The following ATL2 variants were observed in gnomAD, a reference collection of about 807,000 sequenced individuals.
ATL2 encodes atlastin GTPase 2.
Under a neutral mutation model 73.9 loss-of-function variants are expected in ATL2, and 31 were observed. The ratio of observed to expected loss-of-function variants is 0.42; its 90% CI spans 0.32 to 0.57. ATL2 has a LOEUF of 0.57. Ranked by LOEUF, ATL2 falls within the 20% of genes least tolerant of loss-of-function variation. The pLI is 0.14. For synonymous variants in ATL2, 291 were observed against 237.5 expected (o/e 1.23, Z -2.07); for missense variants, 738 against 702.6 (o/e 1.05, Z -0.57).
At chr2:38,358,805 G>C (rs764833607) in intron 1 of ATL2, 3 of 152,692 alleles carry the variant, frequency 2.0e-5, no homozygotes, top group African/African-American at 7.2e-5. Context: ...TCACCTGGGT[G>C]AGCTTTTATA....
At chr2:38,342,274 C>T (rs937323521) in intron 2 of ATL2, among the ~76,000 whole-genome samples, 1 of 152,032 alleles carries the variant, frequency 6.6e-6, no homozygotes, top group Non-Finnish European at 1.5e-5. Flanking sequence ...GTGCCAGGTG[C>T]TTGATAATCA....
At chr2:38,316,704 CA>C (rs1668042742) in intron 4 of ATL2, among the ~76,000 whole-genome samples, 1 of 152,106 alleles carries the variant, frequency 6.6e-6, no homozygotes, top group African/African-American at 2.4e-5. Flanking sequence ...CCAAGATAGG[CA>C]AGATGAGTAA....
At chr2:38,334,460 G>C (rs1028483086) in intron 2 of ATL2, among the ~76,000 whole-genome samples, 3 of 151,860 alleles carry the variant, frequency 2.0e-5, no homozygotes, top group African/African-American at 7.3e-5. Flanking sequence ...CCAGCACTTT[G>C]GGAGGCTGAG....
At chr2:38,316,011 T>C (rs1259134989) in intron 4 of ATL2, among the ~76,000 whole-genome samples, 1 of 152,214 alleles carries the variant, frequency 6.6e-6, no homozygotes, top group Non-Finnish European at 1.5e-5. Context: ...GGGATTTTCA[T>C]CCATTAATTC....
intron 1 of ATL2, among the ~76,000 whole-genome samples, chr2:38,348,625 T>C (rs1483364835): frequency 6.6e-6 from 1 of 151,366 alleles, no homozygotes; most frequent in Admixed American, 6.6e-5. Context: ...GTTGGTTTTT[T>C]AGAAGTTTAA....
chr2:38,301,725 T>A (rs1293149666), intron 9 of ATL2, among the ~76,000 whole-genome samples: 1 of 152,176 alleles, frequency 6.6e-6, no homozygotes, highest in Non-Finnish European at 1.5e-5. Flanking sequence ...TGCTCTGAGG[T>A]CCTGAATAAA....
At chr2:38,313,052 C>G (rs551926038) in intron 7 of ATL2, 99 bp downstream of exon 7, 2 of 751,956 alleles carry the variant, frequency 2.7e-6, no homozygotes, top group Non-Finnish European at 2.2e-6. Context: ...TTTATTCCAA[C>G]GACACGTAAA....
intron 2 of ATL2, among the ~76,000 whole-genome samples, chr2:38,328,978 T>C (rs536348404): frequency 6.1e-4 from 93 of 151,648 alleles, no homozygotes; most frequent in African/African-American, 2.1e-3. Flanking sequence ...CAAAGAAGAA[T>C]CTTCATTACT....
At chr2:38,354,765 C>T (rs1273175065) in intron 1 of ATL2, among the ~76,000 whole-genome samples, 2 of 152,094 alleles carry the variant, frequency 1.3e-5, no homozygotes, top group Non-Finnish European at 2.9e-5. Flanking sequence ...TGGCACATCC[C>T]TGTAATCCCA....
chr2:38,370,448 CAAAAAAA>C (rs55964015), intron 1 of ATL2, among the ~76,000 whole-genome samples: 2,896 of 54,924 alleles, frequency 0.053, 41 homozygotes, highest in South Asian at 0.079. Flanking sequence ...GACTCTGTCC[CAAAAAAA>C]AAAAAAAAAA....
chr2:38,310,089 A>C (rs1371320335), intron 8 of ATL2, among the ~76,000 whole-genome samples: 1 of 152,250 alleles, frequency 6.6e-6, no homozygotes, highest in Non-Finnish European at 1.5e-5. Flanking sequence ...ACTGCTGAGC[A>C]ACAGACATTA....
At chr2:38,369,182 C>T (rs771209431) in intron 1 of ATL2, among the ~76,000 whole-genome samples, 6 of 151,816 alleles carry the variant, frequency 4.0e-5, no homozygotes, top group Non-Finnish European at 7.4e-5. Context: ...AGGTGCAGTG[C>T]CTCACACCTG....
intron 2 of ATL2, 104 bp from the exon 3 acceptor site, chr2:38,319,123 A>G (rs1264116657): frequency 5.7e-6 from 7 of 1,226,598 alleles, no homozygotes; most frequent in Non-Finnish European, 8.0e-6. Flanking sequence ...CTAAACCCGG[A>G]AAGACAAAAA....
Position 38,365,043 on chromosome 2 carries a change from CAAA to C in ATL2, c.118+12097_118+12099del, listed in dbSNP as rs562213942. On this transcript the variant is annotated intron_variant, in intron 1 of 12. Coordinates refer to ENST00000378954, the MANE Select transcript of ATL2 (RefSeq NM_001135673.4). ...TGGGGTACAGAGCGAGACTCCGTCT[CAAA>C]AAAAAAAAAAAATTACTTTAAGAGT... is the stretch of plus-strand genomic sequence containing the variant. Among the ~76,000 whole-genome samples the C allele has an allele frequency of 8.4e-4, 95 of 112,918 alleles. 1 individual carries two copies. Among genetic ancestry groups the C allele is most frequent in the African/African-American group, 2.7e-3 (94 of 34,918 alleles). 74.1% of individuals were successfully genotyped at this position (112,918 alleles called of 152,430 possible).
chr2:38,364,678 A>C (rs1229925592), intron 1 of ATL2, among the ~76,000 whole-genome samples: 5 of 152,244 alleles, frequency 3.3e-5, no homozygotes, highest in Non-Finnish European at 5.9e-5. Context: ...ACACGGATCA[A>C]GAATTAATCG....
intron 10 of ATL2, among the ~76,000 whole-genome samples, chr2:38,299,718 A>G (rs2148402138): frequency 6.6e-6 from 1 of 152,334 alleles, no homozygotes; most frequent in East Asian, 1.9e-4. Context: ...CACAAACCTT[A>G]CTGCACGAAG....
chr2:38,328,441 T>C (rs1309580755), intron 2 of ATL2, among the ~76,000 whole-genome samples: 1 of 152,142 alleles, frequency 6.6e-6, no homozygotes, highest in African/African-American at 2.4e-5. Flanking sequence ...AATACACCTT[T>C]AAAAATTTTA....
chr2:38,370,902 G>C (rs569808187), intron 1 of ATL2, among the ~76,000 whole-genome samples: 1 of 151,776 alleles, frequency 6.6e-6, no homozygotes, highest in Admixed American at 6.6e-5. Context: ...AGGTTGCAGC[G>C]AGCTATGATT....
chr2:38,319,159 T>A, intron 2 of ATL2, 140 bp from the exon 3 acceptor site: 2 of 900,740 alleles, frequency 2.2e-6, no homozygotes, highest in Non-Finnish European at 3.4e-6. Flanking sequence ...AACAAGTAGT[T>A]ACAAAGCAGT....
Sources: allele counts gnomAD v4.1 joint callset (sites outside exome capture counted in the v4.1 genomes callset), GRCh38; gene constraint gnomAD v4.1.1; transcripts MANE v1.5; gene names NCBI Gene and HGNC (gene_info 2026-07-23, HGNC 2026-07-21).